NOVA2: variants seen among roughly 807,000 people sequenced by gnomAD.
NOVA2 encodes NOVA alternative splicing regulator 2, also known as RNA-binding protein Nova-2.
Under a neutral mutation model 22.5 loss-of-function variants are expected in NOVA2, and 9 were observed. The ratio of observed to expected loss-of-function variants is 0.40; its 90% CI spans 0.24 to 0.70. NOVA2 has a LOEUF of 0.70. Ranked by LOEUF, NOVA2 falls within the 30% of genes least tolerant of loss-of-function variation. The pLI is 0.38. For synonymous variants in NOVA2, 318 were observed against 335.2 expected, an observed-to-expected ratio of 0.95 and a Z score of 0.56; for missense variants, 383 against 682.8, an observed-to-expected ratio of 0.56 and a Z score of 4.89.
chr19:45,973,466 CGGCG>C lies in NOVA2; in HGVS notation c.-119_-116del. The C allele has an allele frequency of 7.5e-6, 1 of 132,582 alleles. No homozygotes were observed. Among genetic ancestry groups the C allele is most frequent in the Non-Finnish European group, 1.6e-5 (1 of 63,876 alleles). 8.2% of individuals were successfully genotyped at this position (132,582 alleles called of 1,614,324 possible). On this transcript the variant is annotated 5_prime_UTR_variant, in exon 1 of 4. Coordinates refer to ENST00000263257, the MANE Select transcript of NOVA2 (RefSeq NM_002516.4). ...GAGGCTGGGGTTGCGGCGGCGGCGGCGGCGGGGGCGGCGGCGGCTGCGGGGCCGC... is the reference window on the plus strand; with the variant it reads ...GAGGCTGGGGTTGCGGCGGCGGCGGCGGGGCGGCGGCGGCTGCGGGGCCGC...
intron 1 of NOVA2, among the ~76,000 whole-genome samples, chr19:45,970,120 T>C (rs1463819648): frequency 6.6e-6 from 1 of 152,166 alleles, no homozygotes; most frequent in Admixed American, 6.6e-5. Context: ...GCAAGTGACT[T>C]AACCTCTCTG....
In NOVA2 at chr19:45,965,224, C is replaced by T. The variant is rs569949207; in HGVS notation, c.86-4071G>A. Among the ~76,000 whole-genome samples the T allele has an allele frequency of 1.2e-4, 18 of 152,256 alleles. No individual in the cohort carries two copies. The South Asian group carries it at 2.5e-3, about 21-fold the overall frequency. On this transcript the variant is annotated intron_variant, in intron 1 of 3. Coordinates refer to ENST00000263257, the MANE Select transcript of NOVA2 (RefSeq NM_002516.4). Reference sequence around the variant, plus strand: ...GAATTCTCACTAATCCCTAGGACTCCGTCCTCTCTCTGCTTCTTCAATTTC... The same window carrying T: ...GAATTCTCACTAATCCCTAGGACTCTGTCCTCTCTCTGCTTCTTCAATTTC...
chr19:45,960,056 G>C (rs1437411360), intron 2 of NOVA2, among the ~76,000 whole-genome samples: 1 of 151,710 alleles, frequency 6.6e-6, no homozygotes, highest in Non-Finnish European at 1.5e-5. Context: ...GGAGGGAATA[G>C]AGAGAGTGGA....
At chr19:45,951,726 T>A (rs1568665650) in intron 3 of NOVA2, among the ~76,000 whole-genome samples, 2 of 152,050 alleles carry the variant, frequency 1.3e-5, no homozygotes, top group Non-Finnish European at 2.9e-5. Context: ...GAGCCTGGGA[T>A]GTCGAGGCTC....
chr19:45,966,916 C>T (rs1968174796), intron 1 of NOVA2, among the ~76,000 whole-genome samples: 1 of 152,106 alleles, frequency 6.6e-6, no homozygotes. Flanking sequence ...AAAATCGTTG[C>T]TAACAATTGG....
intron 1 of NOVA2, among the ~76,000 whole-genome samples, chr19:45,966,736 A>T (rs1023720349): frequency 3.3e-5 from 5 of 152,094 alleles, no homozygotes; most frequent in Non-Finnish European, 7.4e-5. Context: ...AATTAGCCAG[A>T]CGTGGAGGCA....
In NOVA2 at chr19:45,939,688, G is replaced by C. The variant is rs561120388; in HGVS notation, c.*175C>G. ...GGGCTTCTGAGCCCCCTTCCCAACC[G>C]TCACTCAATCCTGCCTATGACTACC... is the stretch of plus-strand genomic sequence containing the variant. On this transcript the variant is annotated 3_prime_UTR_variant, in exon 4 of 4. Coordinates refer to ENST00000263257, the MANE Select transcript of NOVA2 (RefSeq NM_002516.4). 3 of 772,568 alleles carry C rather than the reference G, an allele frequency of 3.9e-6. No homozygotes were observed. The highest frequency in any genetic ancestry group is 1.9e-5 in the South Asian group (1 of 53,020). The allele number at this position is 772,568 out of a possible 1,614,324, so 47.9% of individuals were successfully genotyped here.
intron 2 of NOVA2, among the ~76,000 whole-genome samples, chr19:45,957,647 C>T (rs537536137): frequency 2.6e-5 from 4 of 151,070 alleles, no homozygotes; most frequent in South Asian, 2.1e-4. Context: ...GAGGTTGCAG[C>T]GAGCCACGAT....
chr19:45,968,833 A>G (rs1968198965), intron 1 of NOVA2, among the ~76,000 whole-genome samples: 1 of 152,068 alleles, frequency 6.6e-6, no homozygotes, highest in Admixed American at 6.5e-5. Context: ...TCATTCTAGG[A>G]GGGGCTCTTA....
Position 45,939,792 on chromosome 19 carries a change from TG to T in NOVA2, c.*70del, listed in dbSNP as rs771032556. On this transcript the variant is annotated 3_prime_UTR_variant, in exon 4 of 4. Transcript: ENST00000263257. ...ACTACACCAAGCTGAGGTCAGGAGT[TG>T]GGGGGGAGGAGGAGAGGGAAGAGGA... 6.4e-6 allele frequency: 10 copies of T among 1,567,378 alleles called. No individual in the cohort carries two copies. The highest frequency in any genetic ancestry group is 1.8e-5 in the Admixed American group (1 of 55,154).
chr19:45,957,810 T>C (rs1189118461), intron 2 of NOVA2, among the ~76,000 whole-genome samples: 2 of 151,770 alleles, frequency 1.3e-5, no homozygotes, highest in African/African-American at 4.8e-5. Context: ...GACGGTGTTT[T>C]AGAATCCCTA....
At chr19:45,954,013 C>T in intron 2 of NOVA2, 67 bp from the exon 3 acceptor site, 4 of 1,550,364 alleles carry the variant, frequency 2.6e-6, no homozygotes, top group Non-Finnish European at 3.5e-6. Context: ...GAGAGACAGG[C>T]CCCATTTAAT....
At chr19:45,945,435 T>G (rs1363144430) in intron 3 of NOVA2, among the ~76,000 whole-genome samples, 1 of 152,330 alleles carries the variant, frequency 6.6e-6, no homozygotes, top group African/African-American at 2.4e-5. Flanking sequence ...TTATTTATCA[T>G]GTATTTTATG....
At chr19:45,947,548 AC>A (rs1967860794) in intron 3 of NOVA2, among the ~76,000 whole-genome samples, 1 of 150,860 alleles carries the variant, frequency 6.6e-6, no homozygotes, top group Non-Finnish European at 1.5e-5. Flanking sequence ...ATCTCAGCTC[AC>A]TGCAACCTCC....
Position 45,940,420 on chromosome 19 carries a change from C to T in NOVA2, c.922G>A (p.Val308Ile). Residue 308 changes from valine (V) to isoleucine (I), a missense_variant, in exon 4 of 4, where the codon GTC (valine) becomes ATC (isoleucine). Physicochemically the swap from Val to Ile is conservative, Grantham distance 29. Transcript: ENST00000263257. ...LGLNSAAASG[V>I]LAAVAAGANP... ...GCCCCGGCGGCCACGGCGGCCAGGA[C>T]GCCGGAAGCTGCGGCCGAGTTGAGG... The T allele has an allele frequency of 6.7e-7, 1 of 1,485,076 alleles. No individual in the cohort carries two copies. Among genetic ancestry groups the T allele is most frequent in the South Asian group, 1.2e-5 (1 of 80,146 alleles). 92.0% of individuals were successfully genotyped at this position (1,485,076 alleles called of 1,614,324 possible).
chr19:45,965,583 A>T (rs1479639808), intron 1 of NOVA2, among the ~76,000 whole-genome samples: 2 of 152,202 alleles, frequency 1.3e-5, no homozygotes, highest in Non-Finnish European at 2.9e-5. Context: ...TACAAAAATT[A>T]GTCAGGCCTA....
chr19:45,939,976 G>A lies in NOVA2; in HGVS notation c.1366C>T (p.Arg456Trp). Residue 456 changes from arginine to tryptophan, a missense_variant, in exon 4 of 4, where the codon CGG (arginine) becomes TGG (tryptophan). Physicochemically the swap from Arg to Trp is moderately radical, Grantham distance 101. Coordinates refer to ENST00000263257, the MANE Select transcript of NOVA2 (RefSeq NM_002516.4). Reference sequence around the variant, plus strand: ...GCGGGGCTGCCCGTGATGGTGACCCGCCGGTTCCGCGTGCCTGGCAGGAAC... The same window carrying A: ...GCGGGGCTGCCCGTGATGGTGACCCACCGGTTCCGCGTGCCTGGCAGGAAC... ...GEFLPGTRNR[R>W]VTITGSPAAT... 1 of 1,614,036 alleles carries A rather than the reference G, an allele frequency of 6.2e-7. No homozygotes were observed. Among genetic ancestry groups the A allele is most frequent in the Non-Finnish European group, 8.5e-7 (1 of 1,179,952 alleles).
chr19:45,945,838 ATTT>A (rs113215875), intron 3 of NOVA2, among the ~76,000 whole-genome samples: 9 of 144,600 alleles, frequency 6.2e-5, no homozygotes, highest in African/African-American at 1.5e-4. Context: ...TATTATTATT[ATTT>A]TTTTTTTTTT....
At chr19:45,972,027 CCCTT>C (rs1213682034) in intron 1 of NOVA2, among the ~76,000 whole-genome samples, 1 of 152,010 alleles carries the variant, frequency 6.6e-6, no homozygotes, top group Non-Finnish European at 1.5e-5. Context: ...CACACAGCCT[CCCTT>C]GTCAAACACA....
Sources: gnomAD v4.1 joint callset for allele counts (sites outside exome capture counted in the v4.1 genomes callset) on GRCh38, gnomAD v4.1.1 for gene constraint, MANE v1.5 for transcripts, NCBI Gene and HGNC (gene_info 2026-07-23, HGNC 2026-07-21) for gene names.